Variants in ZBTB16 observed in about 807,000 individuals in gnomAD.
ZBTB16 encodes zinc finger and BTB domain-containing protein 16.
Under a neutral mutation model 56.8 loss-of-function variants are expected in ZBTB16, and 8 were observed. That is an observed-to-expected ratio of 0.14 (90% CI 0.08 to 0.25). The LOEUF (loss-of-function observed/expected upper bound fraction) is 0.25, where lower values mean the gene tolerates loss of function less well. ZBTB16 is among the 10% of genes least tolerant of loss of function. The pLI is 1.00. For synonymous variants in ZBTB16, 363 were observed against 368.5 expected, an observed-to-expected ratio of 0.98 and a Z score of 0.17; for missense variants, 625 against 903.0, an observed-to-expected ratio of 0.69 and a Z score of 3.95.
intron 2 of ZBTB16, among the ~76,000 whole-genome samples, chr11:114,155,452 A>G (rs1942385559): frequency 1.4e-5 from 2 of 146,952 alleles, no homozygotes; most frequent in Admixed American, 1.3e-4. Context: ...CTGGTGGGAG[A>G]GGCCCCGGGT....
intron 4 of ZBTB16, chr11:114,237,125 C>G (rs1944609223): frequency 6.6e-6 from 1 of 152,238 alleles, no homozygotes; most frequent in Admixed American, 6.5e-5. Context: ...CCTCTCTGTA[C>G]TCACCATAAA....
chr11:114,223,874 G>A (rs945222047), intron 4 of ZBTB16, among the ~76,000 whole-genome samples: 3 of 152,168 alleles, frequency 2.0e-5, no homozygotes, highest in Non-Finnish European at 4.4e-5. Flanking sequence ...AGGGAAGAAT[G>A]CCAGGCTGAG....
rs1454423800 is a variant in ZBTB16 at position 114,256,017 on chromosome 11, GTTTTGT to G, written c.*5467_*5472del. Among the ~76,000 whole-genome samples, 148 of 66,362 alleles carry G rather than the reference GTTTTGT, an allele frequency of 2.2e-3. 1 individual carries two copies. Among genetic ancestry groups the G allele is most frequent in the African/African-American group, 6.9e-3 (140 of 20,258 alleles). The allele number at this position is 66,362 out of a possible 152,430, so 43.5% of individuals were successfully genotyped here. A position where few individuals can be genotyped will look rare whatever the true frequency, so the allele number is the denominator to read the frequency against. ...CCTTTTTATTGAAGTACTTGGTTTTGTTTTGTTTTTTTTTTTTGTTTTTTTTGCCTT... is the reference window on the plus strand; with the variant it reads ...CCTTTTTATTGAAGTACTTGGTTTTGTTTTTTTTTTTGTTTTTTTTGCCTT... On this transcript the variant is annotated 3_prime_UTR_variant, in exon 7 of 7. Transcript: ENST00000335953.
At chr11:114,138,476 T>C (rs1051900549) in intron 2 of ZBTB16, among the ~76,000 whole-genome samples, 3 of 152,214 alleles carry the variant, frequency 2.0e-5, no homozygotes, top group Non-Finnish European at 4.4e-5. Context: ...ACATTATTAG[T>C]GTGCACTGTT....
chr11:114,139,806 G>A (rs553038892), intron 2 of ZBTB16, among the ~76,000 whole-genome samples: 4 of 152,290 alleles, frequency 2.6e-5, no homozygotes, highest in South Asian at 2.1e-4. Flanking sequence ...TGATATTCAC[G>A]CAAAGAATCT....
intron 6 of ZBTB16, among the ~76,000 whole-genome samples, chr11:114,247,643 T>C (rs1199273348): frequency 1.3e-5 from 2 of 152,174 alleles, no homozygotes; most frequent in Non-Finnish European, 2.9e-5. Context: ...ATACCAGTAG[T>C]TCAGAGGTGA....
At chr11:114,148,336 G>GCTGGCTTCCTTC (rs1369514528) in intron 2 of ZBTB16, among the ~76,000 whole-genome samples, 3 of 52,598 alleles carry the variant, frequency 5.7e-5, no homozygotes, top group South Asian at 7.5e-4. Context: ...TGGCTGGCTG[G>GCTGGCTTCCTTC]CTTCCTTCCT....
At chr11:114,187,752 G>C (rs576926221) in intron 4 of ZBTB16, 2 of 152,896 alleles carry the variant, frequency 1.3e-5, no homozygotes, top group Non-Finnish European at 2.9e-5. Flanking sequence ...GAGGCAAGCG[G>C]TGGGCAGGCA....
chr11:114,156,416 C>T lies in ZBTB16; in HGVS notation c.1348C>T (p.His450Tyr), dbSNP rs776974563. The T allele has an allele frequency of 6.2e-7, 1 of 1,614,202 alleles. No homozygotes were observed. The highest frequency in any genetic ancestry group is 8.5e-7 in the Non-Finnish European group (1 of 1,180,028). Residue 450 changes from histidine to tyrosine, a missense_variant, in exon 3 of 7, where the codon CAC (histidine) becomes TAC (tyrosine). Physicochemically the swap from His to Tyr is moderately conservative, Grantham distance 83. Around this residue, in one of 6 missense-constraint regions of ZBTB16, gnomAD observed 140 missense variants for 214.8 expected, o/e 0.65. Coordinates refer to ENST00000335953, the MANE Select transcript of ZBTB16 (RefSeq NM_006006.6). ...RFLDSLRLRMHLLAHSAGAKA... is the reference protein window; with the variant it reads ...RFLDSLRLRMYLLAHSAGAKA... ...CCTGGATAGTTTGCGGCTGAGAATG[C>T]ACTTACTGGCTCATTCAGGTAGGCA...
intron 3 of ZBTB16, among the ~76,000 whole-genome samples, chr11:114,165,296 C>T (rs1294672643): frequency 1.3e-5 from 2 of 152,224 alleles, no homozygotes; most frequent in African/African-American, 4.8e-5. Flanking sequence ...TCTGGCTTGG[C>T]CCCTGCTTTT....
intron 2 of ZBTB16, among the ~76,000 whole-genome samples, chr11:114,079,361 C>A (rs1939682711): frequency 6.6e-6 from 1 of 152,090 alleles, no homozygotes; most frequent in African/African-American, 2.4e-5. Context: ...ATGAAAGGAA[C>A]CAGTGAAATC....
Position 114,254,706 on chromosome 11 carries a change from C to A in ZBTB16, c.*4151C>A, listed in dbSNP as rs1235418540. 6.6e-6 allele frequency among the ~76,000 whole-genome samples: 1 copy of A among 152,224 alleles called. No individual in the cohort carries two copies. Among genetic ancestry groups the A allele is most frequent in the African/African-American group, 2.4e-5 (1 of 41,450 alleles). ...GGCCCATCCTGTGGTCATCTTTCCC[C>A]CTCCCATCATACCTCCTCCTTCCTG... On this transcript the variant is annotated 3_prime_UTR_variant, in exon 7 of 7. Coordinates refer to ENST00000335953, the MANE Select transcript of ZBTB16 (RefSeq NM_006006.6).
chr11:114,121,826 A>G (rs781625642), intron 2 of ZBTB16: 16 of 455,786 alleles, frequency 3.5e-5, no homozygotes, highest in Non-Finnish European at 6.6e-5. Context: ...AGGGTCTTCT[A>G]GCATAACCTT....
At chr11:114,132,506 G>T (rs938508612) in intron 2 of ZBTB16, among the ~76,000 whole-genome samples, 1 of 152,094 alleles carries the variant, frequency 6.6e-6, no homozygotes, top group Non-Finnish European at 1.5e-5. Flanking sequence ...ATGAAGTTCC[G>T]CTGCCCTCTA....
At chr11:114,197,544 C>T (rs1015111782) in intron 4 of ZBTB16, among the ~76,000 whole-genome samples, 2 of 152,096 alleles carry the variant, frequency 1.3e-5, no homozygotes, top group African/African-American at 4.8e-5. Context: ...CCTGCTTGCA[C>T]TGGCCCCTCT....
In ZBTB16 at chr11:114,256,030, T is replaced by TG. The variant is rs1043834550; in HGVS notation, c.*5475_*5476insG. On this transcript the variant is annotated 3_prime_UTR_variant, in exon 7 of 7. Transcript: ENST00000335953. ...GTACTTGGTTTTGTTTTGTTTTTTT[T>TG]TTTTGTTTTTTTTGCCTTTTCTTGT... Among the ~76,000 whole-genome samples the TG allele has an allele frequency of 7.5e-5, 9 of 119,566 alleles. No individual in the cohort carries two copies. Among genetic ancestry groups the TG allele is most frequent in the African/African-American group, 1.4e-4 (5 of 34,502 alleles). 78.4% of individuals were successfully genotyped at this position (119,566 alleles called of 152,430 possible). A position where few individuals can be genotyped will look rare whatever the true frequency, so the allele number is the denominator to read the frequency against.
chr11:114,117,305 A>G (rs1036306475), intron 2 of ZBTB16, among the ~76,000 whole-genome samples: 7 of 152,096 alleles, frequency 4.6e-5, no homozygotes, highest in African/African-American at 1.4e-4. Context: ...TTATTCTGTA[A>G]TTTGGGAGAA....
intron 2 of ZBTB16, among the ~76,000 whole-genome samples, chr11:114,065,952 G>A (rs1395023569): frequency 1.3e-5 from 2 of 149,302 alleles, no homozygotes; most frequent in Admixed American, 1.3e-4. Flanking sequence ...TAGCGAGTTT[G>A]TTTTTTTTTT....
intron 2 of ZBTB16, among the ~76,000 whole-genome samples, chr11:114,105,227 T>A (rs928884467): frequency 1.3e-5 from 2 of 149,430 alleles, no homozygotes; most frequent in African/African-American, 5.1e-5. Flanking sequence ...GAATTAATTC[T>A]GTCTCTCTCT....
Sources: allele counts gnomAD v4.1 joint callset (sites outside exome capture counted in the v4.1 genomes callset), GRCh38; gene constraint gnomAD v4.1.1; regional missense constraint gnomAD v4.1.1; transcripts MANE v1.5; gene names NCBI Gene and HGNC (gene_info 2026-07-23, HGNC 2026-07-21).